Variants in ADD2 observed in about 807,000 individuals in gnomAD.
The protein encoded by ADD2 is adducin 2, also known as beta-adducin.
ADD2 carries 23 observed loss-of-function variants against 83.0 expected under a neutral mutation model. That is an observed-to-expected ratio of 0.28 (90% CI 0.20 to 0.39). The LOEUF (loss-of-function observed/expected upper bound fraction) is 0.39, where lower values mean the gene tolerates loss of function less well. ADD2 is among the 10% of genes least tolerant of loss of function. The pLI, the probability that ADD2 is intolerant of heterozygous loss-of-function variation, is 1.00. For synonymous variants in ADD2, 375 were observed against 375.4 expected, an observed-to-expected ratio of 1.00 and a Z score of 0.01; for missense variants, 758 against 944.9, an observed-to-expected ratio of 0.80 and a Z score of 2.59.
intron 1 of ADD2, among the ~76,000 whole-genome samples, chr2:70,758,424 G>A (rs1553384250): frequency 7.2e-6 from 1 of 139,676 alleles, no homozygotes; most frequent in African/African-American, 2.6e-5. Context: ...GGTGGAAAGA[G>A]TTGTTTTGGA....
At chr2:70,691,073 G>T (rs1671007412) in intron 7 of ADD2, 144 bp from the exon 8 acceptor site, 2 of 988,538 alleles carry the variant, frequency 2.0e-6, no homozygotes, top group Non-Finnish European at 2.8e-6. Context: ...CACAAGAAAG[G>T]CCTGGGCTCC....
At chr2:70,756,246 GAC>G (rs1239431569) in intron 1 of ADD2, among the ~76,000 whole-genome samples, 1 of 152,108 alleles carries the variant, frequency 6.6e-6, no homozygotes, top group African/African-American at 2.4e-5. Flanking sequence ...ATAGCATGCA[GAC>G]ACAGTTCTTT....
chr2:70,706,579 G>A lies in ADD2; in HGVS notation c.-34-137C>T. 3 of 798,762 alleles carry A rather than the reference G, an allele frequency of 3.8e-6. No homozygotes were observed. The highest frequency in any genetic ancestry group is 5.7e-6 in the Non-Finnish European group (3 of 530,804). The allele number at this position is 798,762 out of a possible 1,614,324, so 49.5% of individuals were successfully genotyped here. ...CCTAGGATGGTAGAGGCAGAGCCTGGGGAGGAGGGCAGGACGCCAGCAGCG... is the reference window on the plus strand; with the variant it reads ...CCTAGGATGGTAGAGGCAGAGCCTGAGGAGGAGGGCAGGACGCCAGCAGCG... On this transcript the variant is annotated intron_variant, in intron 2 of 15. Coordinates refer to ENST00000264436, the MANE Select transcript of ADD2 (RefSeq NM_001617.4). The surrounding 1 kb of genome is among the most constrained non-coding windows in gnomAD (Gnocchi z 5.0).
intron 2 of ADD2, among the ~76,000 whole-genome samples, chr2:70,712,287 T>C (rs1414026721): frequency 6.6e-6 from 1 of 151,514 alleles, no homozygotes; most frequent in Non-Finnish European, 1.5e-5. Context: ...CTATTAAAAA[T>C]ACAAAAATTA....
chr2:70,673,955 T>C (rs1289615648), intron 14 of ADD2, among the ~76,000 whole-genome samples: 1 of 152,146 alleles, frequency 6.6e-6, no homozygotes, highest in Admixed American at 6.5e-5. Flanking sequence ...GGAATGGAGA[T>C]GGTGGAAGAA....
At chr2:70,705,502 G>T (rs2104383552) in intron 3 of ADD2, among the ~76,000 whole-genome samples, 1 of 152,250 alleles carries the variant, frequency 6.6e-6, no homozygotes, top group South Asian at 2.1e-4. Flanking sequence ...GATTCCTGAG[G>T]CCCCCCAAGC....
At chr2:70,717,704 C>T (rs983578865) in intron 1 of ADD2, 1 of 152,250 alleles carries the variant, frequency 6.6e-6, no homozygotes, top group Admixed American at 6.5e-5. Flanking sequence ...GAGACTCCCA[C>T]AAGTGAGAGA....
intron 1 of ADD2, among the ~76,000 whole-genome samples, chr2:70,734,535 G>C (rs1179909990): frequency 2.0e-5 from 3 of 152,174 alleles, no homozygotes; most frequent in Non-Finnish European, 2.9e-5. Context: ...ACATTGGTCT[G>C]GAAGGAGGGA....
intron 15 of ADD2, among the ~76,000 whole-genome samples, chr2:70,672,066 CCTG>C (rs1250576874): frequency 2.0e-5 from 3 of 152,144 alleles, no homozygotes; most frequent in Non-Finnish European, 4.4e-5. Context: ...TTATTTAAGT[CCTG>C]CTTTTACTCT....
intron 4 of ADD2, 58 bp downstream of exon 4, chr2:70,704,263 T>TGGCCCCCCCCCCCCCCCCCCCACCC: frequency 1.1e-6 from 1 of 913,238 alleles, no homozygotes; most frequent in Non-Finnish European, 1.7e-6. Flanking sequence ...CTCCCTCTCT[T>TGGCCCCCCCCCCCCCCCCCCCACCC]CCCCACCCCA....
chr2:70,731,890 T>G (rs1673302176), intron 1 of ADD2, among the ~76,000 whole-genome samples: 1 of 152,164 alleles, frequency 6.6e-6, no homozygotes, highest in Non-Finnish European at 1.5e-5. Flanking sequence ...CCAACCAACC[T>G]TAAGTTTCCC....
chr2:70,722,186 C>T (rs568901228), intron 1 of ADD2, among the ~76,000 whole-genome samples: 12 of 152,190 alleles, frequency 7.9e-5, no homozygotes, highest in African/African-American at 2.4e-4. Context: ...GCTGAGAGAT[C>T]CAAGCCCAGG....
Position 70,712,032 on chromosome 2 carries a change from C to T in ADD2, c.-35+1034G>A, listed in dbSNP as rs562976068. Among the ~76,000 whole-genome samples the T allele has an allele frequency of 4.6e-5, 7 of 152,216 alleles. 1 individual carries two copies. The South Asian group carries it at 1.5e-3, about 32-fold the overall frequency. On this transcript the variant is annotated intron_variant, in intron 2 of 15. Transcript: ENST00000264436. ...AGAATTGAATTGAATTGTAGGACAG[C>T]CAACTGATGACAGGGAATTGGTGAC...
intron 9 of ADD2, 76 bp downstream of exon 9, chr2:70,687,948 A>G (rs1553370800): frequency 1.2e-5 from 13 of 1,110,596 alleles, no homozygotes; most frequent in African/African-American, 1.5e-5. Context: ...ATCACAGCCA[A>G]CAGGGTCACC....
intron 3 of ADD2, among the ~76,000 whole-genome samples, chr2:70,705,014 G>A (rs1671810325): frequency 6.6e-6 from 1 of 152,242 alleles, no homozygotes; most frequent in African/African-American, 2.4e-5. Flanking sequence ...CAGGTGGCAG[G>A]AGAAAACACT....
At chr2:70,671,805 T>G (rs1430534936) in intron 15 of ADD2, among the ~76,000 whole-genome samples, 3 of 152,172 alleles carry the variant, frequency 2.0e-5, no homozygotes, top group African/African-American at 7.2e-5. Context: ...TGGGGGATTC[T>G]ATCAGAATCC....
At chr2:70,715,411 G>A (rs1672413880) in intron 1 of ADD2, among the ~76,000 whole-genome samples, 1 of 152,140 alleles carries the variant, frequency 6.6e-6, no homozygotes, top group African/African-American at 2.4e-5. Context: ...CCAGCTTCCA[G>A]CCCCCACATC....
intron 6 of ADD2, 33 bp from the exon 7 acceptor site, chr2:70,692,585 C>T: frequency 6.4e-7 from 1 of 1,555,418 alleles, no homozygotes; most frequent in Non-Finnish European, 8.7e-7. Flanking sequence ...CTTATGGCAA[C>T]AGGGTGGCCG....
intron 1 of ADD2, among the ~76,000 whole-genome samples, chr2:70,714,463 A>G (rs1553376009): frequency 6.6e-6 from 1 of 152,204 alleles, no homozygotes; most frequent in Non-Finnish European, 1.5e-5. Context: ...CACACCCACT[A>G]AGGCTCAGCC....
Sources: gnomAD v4.1 joint callset for allele counts (sites outside exome capture counted in the v4.1 genomes callset) on GRCh38, gnomAD v4.1.1 for gene constraint, Gnocchi (gnomAD v3.1) non-coding constraint, MANE v1.5 for transcripts, NCBI Gene and HGNC (gene_info 2026-07-23, HGNC 2026-07-21) for gene names.